Variants in CDC42SE2 observed in about 807,000 individuals in gnomAD.
The protein encoded by CDC42SE2 is CDC42 small effector 2, also known as CDC42 small effector protein 2.
Under a neutral mutation model 11.5 loss-of-function variants are expected in CDC42SE2, and 3 were observed. The observed-to-expected ratio is 0.26, with a 90% CI of 0.12 to 0.67. CDC42SE2 has a LOEUF of 0.67. Ranked by LOEUF, CDC42SE2 falls within the 30% of genes least tolerant of loss-of-function variation. The pLI, the probability that CDC42SE2 is intolerant of heterozygous loss-of-function variation, is 0.80. For synonymous variants in CDC42SE2, 33 were observed against 34.8 expected, an observed-to-expected ratio of 0.95 and a Z score of 0.18; for missense variants, 82 against 106.8, an observed-to-expected ratio of 0.77 and a Z score of 1.02.
intron 2 of CDC42SE2, among the ~76,000 whole-genome samples, chr5:131,348,491 G>A (rs534617988): frequency 2.6e-4 from 39 of 152,138 alleles, no homozygotes; most frequent in Middle Eastern, 3.4e-3. Flanking sequence ...GAAATAAAAG[G>A]GGATACAAAC....
chr5:131,279,702 T>G (rs2149700916), intron 1 of CDC42SE2, among the ~76,000 whole-genome samples: 2 of 152,048 alleles, frequency 1.3e-5, no homozygotes, highest in South Asian at 4.2e-4. Flanking sequence ...CCCTCTACCT[T>G]CTCCCCCAGT....
At chr5:131,362,684 C>G (rs1749742492) in intron 3 of CDC42SE2, among the ~76,000 whole-genome samples, 1 of 152,118 alleles carries the variant, frequency 6.6e-6, no homozygotes, top group African/African-American at 2.4e-5. Flanking sequence ...TCCTCCTACT[C>G]CTTCATTTTA....
chr5:131,264,462 T>G (rs1756810627), intron 1 of CDC42SE2, among the ~76,000 whole-genome samples: 1 of 150,364 alleles, frequency 6.7e-6, no homozygotes. Context: ...GGCAGCCAAC[T>G]GACCGCCTGA....
rs188660909 is a variant in CDC42SE2 at position 131,377,408 on chromosome 5, G to A, written c.55-8135G>A. 2.7e-4 allele frequency among the ~76,000 whole-genome samples: 41 copies of A among 151,966 alleles called. No individual in the cohort carries two copies. The East Asian group carries it at 7.9e-3, about 29-fold the overall frequency. On this transcript the variant is annotated intron_variant, in intron 3 of 4. Coordinates refer to ENST00000505065, the MANE Select transcript of CDC42SE2 (RefSeq NM_001375635.1). ...GGTCTCGAACTCCTGAGCTCAGGCA[G>A]TCCGCCCGCCTCAGCCTCCCAAAGT... is the stretch of plus-strand genomic sequence containing the variant.
the CDC42SE2 span, among the ~76,000 whole-genome samples, chr5:131,212,401 CCCT>C: frequency 6.6e-6 from 1 of 152,154 alleles, no homozygotes; most frequent in Non-Finnish European, 1.5e-5. Flanking sequence ...AGCTACTGTG[CCCT>C]CCATGGTGTG....
At chr5:131,309,397 CT>C (rs1757850321) in intron 1 of CDC42SE2, among the ~76,000 whole-genome samples, 2 of 152,090 alleles carry the variant, frequency 1.3e-5, no homozygotes, top group Admixed American at 1.3e-4. Context: ...GGATATTGGT[CT>C]AAAATTCTCT....
intron 1 of CDC42SE2, among the ~76,000 whole-genome samples, chr5:131,306,966 T>C (rs1479999813): frequency 2.6e-5 from 4 of 152,156 alleles, no homozygotes; most frequent in African/African-American, 9.7e-5. Context: ...ACTTCGTTTA[T>C]CAGTTCTAAC....
chr5:131,349,840 CAA>C (rs1332577794), intron 2 of CDC42SE2, among the ~76,000 whole-genome samples: 31 of 151,994 alleles, frequency 2.0e-4, no homozygotes, highest in African/African-American at 7.2e-4. Flanking sequence ...CACAAAAGGA[CAA>C]ATAAAAAATT....
chr5:131,256,097 C>T (rs1180471610), intron 2 of CDC42SE2, among the ~76,000 whole-genome samples: 1 of 152,136 alleles, frequency 6.6e-6, no homozygotes, highest in Non-Finnish European at 1.5e-5. Context: ...CATATGCTAC[C>T]AGAAATTCTA....
chr5:131,250,767 G>T lies in CDC42SE2; in HGVS notation n.108-4328G>T, dbSNP rs141654186. ...AACAAAACTATAGCTTGGGCCAGGCGTGGTGGCTCTATCTGTAATCTCAGC... is the reference window on the plus strand; with the variant it reads ...AACAAAACTATAGCTTGGGCCAGGCTTGGTGGCTCTATCTGTAATCTCAGC... On this transcript the variant is annotated intron_variant and non_coding_transcript_variant, in intron 1 of 3. Coordinates refer to the CDC42SE2 transcript ENST00000502840. Among the ~76,000 whole-genome samples the T allele has an allele frequency of 7.6e-4, 116 of 152,268 alleles. 4 individuals are homozygous for T. In the South Asian group the frequency reaches 0.017, roughly 22 times the overall value.
intron 1 of CDC42SE2, among the ~76,000 whole-genome samples, chr5:131,308,996 G>T (rs1409005200): frequency 2.1e-4 from 32 of 149,496 alleles, no homozygotes; most frequent in Admixed American, 6.7e-4. Context: ...AATAGGAGTG[G>T]TGAGAGAGGG....
chr5:131,241,251 C>A (rs1220004554), upstream of CDC42SE2, among the ~76,000 whole-genome samples: 1 of 152,082 alleles, frequency 6.6e-6, no homozygotes, highest in Non-Finnish European at 1.5e-5. Flanking sequence ...CGTGAGCCAC[C>A]ACGCCCAGCG....
intron 1 of CDC42SE2, among the ~76,000 whole-genome samples, chr5:131,308,783 G>T (rs1190142858): frequency 6.6e-6 from 1 of 151,672 alleles, no homozygotes; most frequent in African/African-American, 2.4e-5. Flanking sequence ...TGTGATTTTT[G>T]TACATTGATT....
chr5:131,222,799 C>G, the CDC42SE2 span, among the ~76,000 whole-genome samples: 18 of 152,322 alleles, frequency 1.2e-4, no homozygotes, highest in South Asian at 2.7e-3. Flanking sequence ...CTTCACTTCT[C>G]AATACCATTC....
At chr5:131,308,926 A>G (rs1757836979) in intron 1 of CDC42SE2, among the ~76,000 whole-genome samples, 1 of 151,552 alleles carries the variant, frequency 6.6e-6, no homozygotes, top group African/African-American at 2.4e-5. Flanking sequence ...TCCTAATTGA[A>G]TACCCTTTAT....
chr5:131,345,131 A>C (rs911063249), intron 2 of CDC42SE2, among the ~76,000 whole-genome samples: 1 of 152,240 alleles, frequency 6.6e-6, no homozygotes. Context: ...CAGCAACGGA[A>C]CAAAGCTGGA....
At position 131,393,800 on chromosome 5, in the gene CDC42SE2, T is replaced by A. The variant is rs1292170554; in HGVS notation, c.*2709T>A. The A allele has an allele frequency of 3.9e-5, 6 of 152,006 alleles. No homozygotes were observed. The East Asian group carries it at 9.4e-4, about 24-fold the overall frequency. The allele number at this position is 152,006 out of a possible 1,614,324, so 9.4% of individuals were successfully genotyped here. A position where few individuals can be genotyped will look rare whatever the true frequency, so the allele number is the denominator to read the frequency against. ...CCTTTTCCCTGACTCATGATTTTAG[T>A]CTTTTTCCAAATCGCTGTTTTTTTT... On this transcript the variant is annotated 3_prime_UTR_variant, in exon 5 of 5. Transcript: ENST00000505065.
At chr5:131,232,953 T>C in the CDC42SE2 span, among the ~76,000 whole-genome samples, 1 of 151,498 alleles carries the variant, frequency 6.6e-6, no homozygotes, top group Non-Finnish European at 1.5e-5. Flanking sequence ...AAGAAAAAAA[T>C]TTTTTGAAAG....
At chr5:131,321,213 C>T (rs1207392633) in intron 2 of CDC42SE2, among the ~76,000 whole-genome samples, 1 of 152,158 alleles carries the variant, frequency 6.6e-6, no homozygotes, top group African/African-American at 2.4e-5. Context: ...TTTAGTTCAT[C>T]GTATTCTCAC....
Sources: gnomAD v4.1 joint callset for allele counts (sites outside exome capture counted in the v4.1 genomes callset) on GRCh38, gnomAD v4.1.1 for gene constraint, MANE v1.5 for transcripts, NCBI Gene and HGNC (gene_info 2026-07-23, HGNC 2026-07-21) for gene names.